PCDHGA8: variants seen among roughly 807,000 people sequenced by gnomAD.
PCDHGA8 encodes protocadherin gamma subfamily A, 8.
PCDHGA8 carries 45 observed loss-of-function variants against 59.2 expected under a neutral mutation model. The observed-to-expected ratio is 0.76, with a 90% CI of 0.60 to 0.98. The LOEUF is 0.98. PCDHGA8 is among the 50% of genes least tolerant of loss of function. PCDHGA8 has a pLI of 0.00. For synonymous variants in PCDHGA8, 531 were observed against 519.0 expected, an observed-to-expected ratio of 1.02 and a Z score of -0.32; for missense variants, 1,257 against 1,196.2, an observed-to-expected ratio of 1.05 and a Z score of -0.75.
At chr5:141,478,759 A>G in intron 1 of PCDHGA8, 2 of 1,514,800 alleles carry the variant, frequency 1.3e-6, no homozygotes, top group African/African-American at 1.4e-5. Flanking sequence ...GGGGGAAGAT[A>G]CTTGACTCAT....
At position 141,487,611 on chromosome 5, in the gene PCDHGA8, T is replaced by C. The variant is rs1215704705; in HGVS notation, c.2425-7196T>C. ...CCACCCTCTGATCTTCTCTATGGGCTAGAGGTGAGACCTTTGCAGGCTCAA... is the reference window on the plus strand; with the variant it reads ...CCACCCTCTGATCTTCTCTATGGGCCAGAGGTGAGACCTTTGCAGGCTCAA... On this transcript the variant is annotated intron_variant, in intron 1 of 3. Transcript: ENST00000398604. This position sits in a 1 kb window ranked among gnomAD's most constrained non-coding sequence, Gnocchi z 5.0. The C allele has an allele frequency of 1.2e-6, 2 of 1,614,206 alleles. No homozygotes were observed. The highest frequency in any genetic ancestry group is 1.7e-6 in the Non-Finnish European group (2 of 1,180,036).
intron 1 of PCDHGA8, chr5:141,403,951 G>C: frequency 6.2e-7 from 1 of 1,613,882 alleles, no homozygotes. Flanking sequence ...GGACAAAAGT[G>C]CTCATTTCGG....
intron 1 of PCDHGA8, chr5:141,399,154 G>T (rs780620346): frequency 1.2e-6 from 2 of 1,613,850 alleles, no homozygotes; most frequent in South Asian, 1.1e-5. Context: ...TAGCCCAGAA[G>T]TTACATTCCA....
intron 1 of PCDHGA8, among the ~76,000 whole-genome samples, chr5:141,492,876 G>A (rs2099744774): frequency 6.6e-6 from 1 of 152,184 alleles, no homozygotes; most frequent in African/African-American, 2.4e-5. Context: ...TCAACCCCCA[G>A]AGATACAGGC....
chr5:141,485,500 C>T lies in PCDHGA8; in HGVS notation c.2425-9307C>T. 1 of 1,614,142 alleles carries T rather than the reference C, an allele frequency of 6.2e-7. No homozygotes were observed. The highest frequency in any genetic ancestry group is 8.5e-7 in the Non-Finnish European group (1 of 1,180,038). ...GCTGCATCGTGCCCCTGGAGTTTGT[C>T]ACCGAAGGTCCTTTGGAAATGTACC... On this transcript the variant is annotated intron_variant, in intron 1 of 3. Coordinates refer to ENST00000398604, the MANE Select transcript of PCDHGA8 (RefSeq NM_032088.2). The surrounding 1 kb of genome is among the most constrained non-coding windows in gnomAD (Gnocchi z 5.7).
At chr5:141,422,375 TCTC>T in intron 1 of PCDHGA8, 1 of 1,570,814 alleles carries the variant, frequency 6.4e-7, no homozygotes, top group Non-Finnish European at 8.6e-7. Context: ...AATGGTCAAG[TCTC>T]CTGTTTTATT....
chr5:141,460,938 A>G (rs532872249), intron 1 of PCDHGA8, among the ~76,000 whole-genome samples: 38 of 149,918 alleles, frequency 2.5e-4, no homozygotes, highest in African/African-American at 9.1e-4. Context: ...GTGTGTGTAT[A>G]TATATGTATT....
intron 1 of PCDHGA8, chr5:141,398,592 A>G: frequency 6.2e-7 from 1 of 1,614,068 alleles, no homozygotes; most frequent in South Asian, 1.1e-5. Flanking sequence ...TTATACTAGA[A>G]GTAGCAGAAG....
chr5:141,397,353 AG>A (rs556761818), intron 1 of PCDHGA8, among the ~76,000 whole-genome samples: 31 of 152,340 alleles, frequency 2.0e-4, no homozygotes, highest in Non-Finnish European at 2.9e-4. Flanking sequence ...TAATATAGTC[AG>A]GAAGAGGAGA....
intron 1 of PCDHGA8, chr5:141,413,404 C>T: frequency 6.2e-7 from 1 of 1,614,046 alleles, no homozygotes; most frequent in Non-Finnish European, 8.5e-7. Context: ...AGGTAGGACG[C>T]AGCTTTTCTC....
intron 2 of PCDHGA8, among the ~76,000 whole-genome samples, chr5:141,504,689 G>A (rs1395389800): frequency 6.6e-6 from 1 of 151,502 alleles, no homozygotes; most frequent in South Asian, 2.1e-4. Context: ...TAAAATAGGA[G>A]GGGCAGGTTC....
intron 1 of PCDHGA8, chr5:141,398,850 A>T (rs2093714845): frequency 6.2e-7 from 1 of 1,613,864 alleles, no homozygotes; most frequent in East Asian, 2.2e-5. Context: ...ATCCCCCGGT[A>T]TTCAACCGAG....
intron 1 of PCDHGA8, chr5:141,416,848 G>A (rs2154546681): frequency 1.3e-5 from 2 of 152,166 alleles, no homozygotes; most frequent in East Asian, 3.9e-4. Flanking sequence ...ATAATTCCAT[G>A]ATTTTTTTCA....
At chr5:141,473,167 C>T (rs1360150717) in intron 1 of PCDHGA8, among the ~76,000 whole-genome samples, 2 of 152,122 alleles carry the variant, frequency 1.3e-5, no homozygotes. Flanking sequence ...TAGGAAGGCC[C>T]ACTGGTAACT....
intron 1 of PCDHGA8, chr5:141,399,997 A>C (rs2093936203): frequency 6.2e-7 from 1 of 1,612,226 alleles, no homozygotes; most frequent in African/African-American, 1.3e-5. Context: ...AGAGGTGCGC[A>C]CAGCGCGTGC....
intron 1 of PCDHGA8, chr5:141,426,432 C>A (rs1239073805): frequency 1.0e-5 from 3 of 295,812 alleles, no homozygotes; most frequent in South Asian, 3.3e-5. Flanking sequence ...TGGTGGGGAA[C>A]CTTGCGGAGG....
rs1176011355 is a variant in PCDHGA8 at position 141,485,491 on chromosome 5, G to A, written c.2425-9316G>A. The A allele has an allele frequency of 1.2e-6, 2 of 1,614,142 alleles. No individual in the cohort carries two copies. Among genetic ancestry groups the A allele is most frequent in the Non-Finnish European group, 1.7e-6 (2 of 1,180,040 alleles). On this transcript the variant is annotated intron_variant, in intron 1 of 3. Transcript: ENST00000398604. This position sits in a 1 kb window ranked among gnomAD's most constrained non-coding sequence, Gnocchi z 5.7. ...TCAGTGCCAGCTGCATCGTGCCCCT[G>A]GAGTTTGTCACCGAAGGTCCTTTGG...
chr5:141,457,058 T>A (rs756862311), intron 1 of PCDHGA8, among the ~76,000 whole-genome samples: 2 of 152,230 alleles, frequency 1.3e-5, no homozygotes, highest in Non-Finnish European at 2.9e-5. Flanking sequence ...TCATGCTTCC[T>A]TTTTGCCAGT....
At position 141,392,764 on chromosome 5, in the gene PCDHGA8, C is replaced by G; in HGVS notation, c.-50C>G. The G allele has an allele frequency of 6.8e-7, 1 of 1,480,722 alleles. No homozygotes were observed. Among genetic ancestry groups the G allele is most frequent in the Non-Finnish European group, 9.0e-7 (1 of 1,115,954 alleles). 91.7% of individuals were successfully genotyped at this position (1,480,722 alleles called of 1,614,324 possible). A position where few individuals can be genotyped will look rare whatever the true frequency, so the allele number is the denominator to read the frequency against. ...AGCTGCGGCAAGAAACTAAATAAGA[C>G]CCATTTATGCACAGTGAAGATTCTG... On this transcript the variant is annotated 5_prime_UTR_variant, in exon 1 of 4. Transcript: ENST00000398604.
Sources: gnomAD v4.1 joint callset for allele counts (sites outside exome capture counted in the v4.1 genomes callset) on GRCh38, gnomAD v4.1.1 for gene constraint, Gnocchi (gnomAD v3.1) non-coding constraint, MANE v1.5 for transcripts, NCBI Gene and HGNC (gene_info 2026-07-23, HGNC 2026-07-21) for gene names.